RAD51B: variants seen among roughly 807,000 people sequenced by gnomAD.
The protein encoded by RAD51B is DNA repair protein RAD51 homolog 2.
A neutral mutation model predicts 42.2 loss-of-function variants in RAD51B; 38 were observed. The ratio of observed to expected loss-of-function variants is 0.90; its 90% CI spans 0.70 to 1.18. The LOEUF (loss-of-function observed/expected upper bound fraction) is 1.18. RAD51B is among the 50% of genes most tolerant of loss of function. The pLI is 0.00. For missense variants in RAD51B, 373 were observed against 400.7 expected, an observed-to-expected ratio of 0.93 and a Z score of 0.59; for synonymous variants, 154 against 145.2, an observed-to-expected ratio of 1.06 and a Z score of -0.43.
intron 7 of RAD51B, among the ~76,000 whole-genome samples, chr14:68,005,914 A>T (rs1243702872): frequency 6.6e-6 from 1 of 152,196 alleles, no homozygotes; most frequent in South Asian, 2.1e-4. Flanking sequence ...GGTGCATCTT[A>T]CATGGCAGGT....
intron 7 of RAD51B, among the ~76,000 whole-genome samples, chr14:67,963,353 T>TA (rs1488529531): frequency 2.0e-5 from 3 of 152,162 alleles, no homozygotes; most frequent in Non-Finnish European, 4.4e-5. Context: ...ATTGCTAATC[T>TA]AATACCTAAT....
At chr14:68,391,174 C>G (rs1962797881) in intron 8 of RAD51B, among the ~76,000 whole-genome samples, 1 of 149,830 alleles carries the variant, frequency 6.7e-6, no homozygotes, top group African/African-American at 2.5e-5. Flanking sequence ...TTCTTTCTTT[C>G]TTTCTTTCTT....
chr14:68,589,787 G>A (rs1242855844), intron 10 of RAD51B, among the ~76,000 whole-genome samples: 4 of 152,190 alleles, frequency 2.6e-5, no homozygotes, highest in Non-Finnish European at 5.9e-5. Flanking sequence ...TGTCCCAGCA[G>A]CCCTGAATGC....
chr14:67,897,802 A>C (rs890498345), intron 7 of RAD51B, among the ~76,000 whole-genome samples: 3 of 152,104 alleles, frequency 2.0e-5, no homozygotes, highest in African/African-American at 4.8e-5. Flanking sequence ...GGCATGTGCC[A>C]CCACGCCCAG....
intron 7 of RAD51B, among the ~76,000 whole-genome samples, chr14:68,183,141 A>G (rs2079086627): frequency 6.6e-6 from 1 of 152,166 alleles, no homozygotes. Context: ...GACTCACACG[A>G]TCACAAGGTG....
chr14:68,638,052 T>A (rs1420646379), intron 10 of RAD51B, among the ~76,000 whole-genome samples: 4 of 152,174 alleles, frequency 2.6e-5, no homozygotes, highest in Admixed American at 2.0e-4. Context: ...TTTGCAGAGG[T>A]AAGAGGCCTC....
Position 68,402,348 on chromosome 14 carries a change from C to T in RAD51B, c.854-9076C>T, listed in dbSNP as rs185179255. ...AGAGAGGTAACCAAGATTCTCAGTC[C>T]CTTCCCCAGTTCAAATGGATGGTCC... On this transcript the variant is annotated intron_variant, in intron 8 of 10. Transcript: ENST00000471583. 4.6e-5 allele frequency among the ~76,000 whole-genome samples: 7 copies of T among 152,250 alleles called. No individual in the cohort carries two copies. In the East Asian group the frequency reaches 1.3e-3, roughly 29 times the overall value.
intron 9 of RAD51B, among the ~76,000 whole-genome samples, chr14:68,455,499 C>T (rs1022343599): frequency 8.6e-5 from 13 of 151,922 alleles, no homozygotes; most frequent in African/African-American, 1.7e-4. Context: ...AGGTAGATCA[C>T]GAGGTAAGGA....
At chr14:68,625,039 T>G (rs898733460) in intron 10 of RAD51B, among the ~76,000 whole-genome samples, 3 of 152,114 alleles carry the variant, frequency 2.0e-5, no homozygotes, top group African/African-American at 4.8e-5. Flanking sequence ...TGCTAAAGGT[T>G]CAGAGAGTTT....
intron 7 of RAD51B, among the ~76,000 whole-genome samples, chr14:68,248,988 C>T (rs2080560863): frequency 6.6e-6 from 1 of 152,228 alleles, no homozygotes; most frequent in African/African-American, 2.4e-5. Context: ...CCGAATGGCA[C>T]CAGGCCCTCT....
At chr14:68,148,986 G>A (rs1201464223) in intron 7 of RAD51B, among the ~76,000 whole-genome samples, 1 of 152,200 alleles carries the variant, frequency 6.6e-6, no homozygotes, top group Non-Finnish European at 1.5e-5. Context: ...AGGATCTGCA[G>A]GTGTGTAGTG....
chr14:68,198,295 C>T (rs1282935737), intron 7 of RAD51B, among the ~76,000 whole-genome samples: 1 of 152,162 alleles, frequency 6.6e-6, no homozygotes, highest in African/African-American at 2.4e-5. Context: ...CGTTCCACAG[C>T]AGGATTTGCT....
intron 5 of RAD51B, among the ~76,000 whole-genome samples, chr14:67,883,392 C>CT (rs957802558): frequency 6.6e-6 from 1 of 150,510 alleles, no homozygotes; most frequent in African/African-American, 2.4e-5. Flanking sequence ...TTGGCTAGCT[C>CT]TTTGTTTTCT....
chr14:67,923,298 C>CTTTTTTTTTTTTT (rs34809964), intron 7 of RAD51B, among the ~76,000 whole-genome samples: 22 of 123,650 alleles, frequency 1.8e-4, no homozygotes, highest in Admixed American at 2.4e-4. Flanking sequence ...TTTTCTTTTT[C>CTTTTTTTTTTTTT]TTTTTTTTTT....
chr14:68,606,546 T>C (rs1891454174), intron 10 of RAD51B, among the ~76,000 whole-genome samples: 1 of 152,190 alleles, frequency 6.6e-6, no homozygotes, highest in South Asian at 2.1e-4. Flanking sequence ...AGTGTAGAAA[T>C]GAGGCTCTGG....
intron 6 of RAD51B, 39 bp downstream of exon 6, chr14:67,886,027 G>A (rs2043050757): frequency 6.9e-7 from 1 of 1,445,172 alleles, no homozygotes; most frequent in Non-Finnish European, 9.4e-7. Context: ...GTAATGCGTT[G>A]AAGGTTTATG....
chr14:67,903,762 T>C (rs140138627), intron 7 of RAD51B, among the ~76,000 whole-genome samples: 1 of 152,142 alleles, frequency 6.6e-6, no homozygotes, highest in East Asian at 1.9e-4. Flanking sequence ...TTTCCAACTT[T>C]TATTTAAGGT....
intron 7 of RAD51B, among the ~76,000 whole-genome samples, chr14:68,038,769 T>G (rs1425584850): frequency 6.6e-6 from 1 of 152,128 alleles, no homozygotes; most frequent in Non-Finnish European, 1.5e-5. Flanking sequence ...TTTCAGAAAT[T>G]TTGTGAGCCA....
At chr14:68,421,891 T>A in intron 9 of RAD51B, 1 of 1,589,044 alleles carries the variant, frequency 6.3e-7, no homozygotes, top group African/African-American at 1.3e-5. Context: ...GGTCCAGCAT[T>A]TGCCATGGAC....
Sources: allele counts gnomAD v4.1 joint callset (sites outside exome capture counted in the v4.1 genomes callset), GRCh38; gene constraint gnomAD v4.1.1; transcripts MANE v1.5; gene names NCBI Gene and HGNC (gene_info 2026-07-23, HGNC 2026-07-21).